TAB2: variants seen among roughly 807,000 people sequenced by gnomAD.
The protein encoded by TAB2 is TGF-beta activated kinase 1 (MAP3K7) binding protein 2.
In TAB2, 3 loss-of-function variants were observed where a neutral mutation model predicts 65.0. The ratio of observed to expected loss-of-function variants is 0.05; its 90% CI spans 0.02 to 0.12. TAB2 has a LOEUF of 0.12. TAB2 is among the 10% of genes least tolerant of loss of function. The probability of loss-of-function intolerance (pLI) is 1.00; values close to 1 mark genes in which losing one functional copy is unlikely to be tolerated. For missense variants in TAB2, 623 were observed against 840.3 expected, an observed-to-expected ratio of 0.74 and a Z score of 3.20; for synonymous variants, 298 against 285.1, an observed-to-expected ratio of 1.05 and a Z score of -0.46.
rs187298700 is a variant in TAB2, at chr6:149,396,238, G to A, written c.1604-1366G>A. On this transcript the variant is annotated intron_variant, in intron 3 of 6. Transcript: ENST00000637181. ...TCACCATGTTGGCCAGTCTGGTCTCGAACTCCTGACCTCAGATGATCCACC... is the reference window on the plus strand; with the variant it reads ...TCACCATGTTGGCCAGTCTGGTCTCAAACTCCTGACCTCAGATGATCCACC... Among the ~76,000 whole-genome samples the A allele has an allele frequency of 1.1e-3, 174 of 152,230 alleles. 2 individuals are homozygous for A. In the East Asian group the frequency reaches 0.032, roughly 28 times the overall value.
At chr6:149,226,552 C>A (rs1777281988) in intron 1 of TAB2, among the ~76,000 whole-genome samples, 1 of 152,160 alleles carries the variant, frequency 6.6e-6, no homozygotes, top group African/African-American at 2.4e-5. Flanking sequence ...TTCTTCCTTT[C>A]CCTGGTAAAA....
chr6:149,324,212 G>C (rs1779534855), intron 1 of TAB2, among the ~76,000 whole-genome samples: 1 of 152,142 alleles, frequency 6.6e-6, no homozygotes, highest in South Asian at 2.1e-4. Flanking sequence ...CAGAGAGAGA[G>C]AGAGAGAAGC....
chr6:149,407,800 T>C (rs974152960), intron 6 of TAB2, among the ~76,000 whole-genome samples: 1 of 151,960 alleles, frequency 6.6e-6, no homozygotes, highest in Non-Finnish European at 1.5e-5. Context: ...ATCATAATTC[T>C]AAGTTTACCA....
Position 149,369,892 on chromosome 6 carries a change from T to C in TAB2, c.-89-17T>C, listed in dbSNP as rs1781162548. The C allele has an allele frequency of 1.0e-6, 1 of 955,708 alleles. No individual in the cohort carries two copies. The highest frequency in any genetic ancestry group is 1.6e-5 in the African/African-American group (1 of 61,762). The allele number at this position is 955,708 out of a possible 1,614,324, so 59.2% of individuals were successfully genotyped here. ...TATAATCAGTTCTCATTAAAATTTT[T>C]TTTCTTTCTTTCACAGAAAATGCTT... On this transcript the variant is annotated splice_polypyrimidine_tract_variant and intron_variant, in intron 1 of 6. Transcript: ENST00000637181.
chr6:149,309,100 T>A (rs1292023373), intron 1 of TAB2, among the ~76,000 whole-genome samples: 1 of 152,210 alleles, frequency 6.6e-6, no homozygotes, highest in Non-Finnish European at 1.5e-5. Context: ...TGTTTCATCT[T>A]ATTTTTTTAT....
At chr6:149,251,958 CTTGTT>C (rs1777871306) in intron 1 of TAB2, among the ~76,000 whole-genome samples, 1 of 151,078 alleles carries the variant, frequency 6.6e-6, no homozygotes, top group Non-Finnish European at 1.5e-5. Context: ...ATTTTCTTTT[CTTGTT>C]TTGTTTTCTT....
intron 2 of TAB2, among the ~76,000 whole-genome samples, chr6:149,373,141 T>C (rs1021375594): frequency 2.0e-5 from 3 of 152,230 alleles, no homozygotes; most frequent in Admixed American, 1.3e-4. Flanking sequence ...AGATAACTTA[T>C]AACCAGCAGG....
chr6:149,358,158 G>A (rs965392207), intron 1 of TAB2, among the ~76,000 whole-genome samples: 2 of 152,098 alleles, frequency 1.3e-5, no homozygotes, highest in Non-Finnish European at 2.9e-5. Flanking sequence ...AGAAATGCTT[G>A]GGACCAAAAA....
intron 6 of TAB2, among the ~76,000 whole-genome samples, chr6:149,405,537 TAC>T (rs1228515382): frequency 2.6e-5 from 4 of 152,088 alleles, no homozygotes; most frequent in African/African-American, 7.2e-5. Flanking sequence ...ACGTGAGAGA[TAC>T]ACACACACAG....
intron 6 of TAB2, 63 bp downstream of exon 6, chr6:149,399,247 T>G: frequency 7.5e-7 from 1 of 1,338,378 alleles, no homozygotes; most frequent in South Asian, 1.2e-5. Context: ...AGAAAATTTT[T>G]CCTGTTCAGC....
In TAB2 at chr6:149,378,345, A is replaced by C. The variant is rs1333069566; in HGVS notation, c.430A>C (p.Ser144Arg). 3 of 1,614,126 alleles carry C rather than the reference A, an allele frequency of 1.9e-6. No homozygotes were observed. The African/African-American group carries it at 4.0e-5, about 22-fold the overall frequency. The change falls in exon 3 of 7, where the codon AGT (serine) becomes CGT (arginine). Residue 144 changes from serine to arginine, a missense_variant. By Grantham distance (110) the Ser-to-Arg change is moderately radical (BLOSUM62 -1). Coordinates refer to ENST00000637181, the MANE Select transcript of TAB2 (RefSeq NM_001292034.3). Reference sequence around the variant, plus strand: ...AGGCTTTAATGTTTTTGGAATGTCCAGTTCCTCTGGTGCTTCAAATTCAGC... The same window carrying C: ...AGGCTTTAATGTTTTTGGAATGTCCCGTTCCTCTGGTGCTTCAAATTCAGC... ...PQGFNVFGMSSSSGASNSAPH... is the reference protein window; with the variant it reads ...PQGFNVFGMSRSSGASNSAPH...
rs751334468 is a variant in TAB2, at chr6:149,400,655, A to G, written c.1939+1471A>G. 7 of 1,614,094 alleles carry G rather than the reference A, an allele frequency of 4.3e-6. No homozygotes were observed. In the African/African-American group the frequency reaches 6.7e-5, roughly 15 times the overall value. ...ATGAAGATACAATTGATGTGTTTCA[A>G]CAGCCTACGGGAGGTGTCTACTGAA... is the stretch of plus-strand genomic sequence containing the variant. On this transcript the variant is annotated intron_variant, in intron 6 of 6. Transcript: ENST00000637181.
intron 1 of TAB2, among the ~76,000 whole-genome samples, chr6:149,367,375 A>C (rs929320040): frequency 2.0e-5 from 3 of 152,088 alleles, no homozygotes; most frequent in Admixed American, 2.0e-4. Flanking sequence ...TTCCAGTAGT[A>C]AAGGAGCAGC....
At chr6:149,275,300 GAGAAA>G (rs1438526065) in intron 1 of TAB2, among the ~76,000 whole-genome samples, 8 of 128,282 alleles carry the variant, frequency 6.2e-5, no homozygotes, top group East Asian at 2.4e-4. Context: ...AAGAAAGAAA[GAGAAA>G]AAAGAAAAGA....
At chr6:149,254,965 C>T (rs956530218) in intron 1 of TAB2, among the ~76,000 whole-genome samples, 3 of 152,120 alleles carry the variant, frequency 2.0e-5, no homozygotes, top group African/African-American at 7.2e-5. Context: ...AAAGTTGTTG[C>T]TGGAATAAGT....
At chr6:149,405,642 C>T (rs774553245) in intron 6 of TAB2, among the ~76,000 whole-genome samples, 7 of 151,976 alleles carry the variant, frequency 4.6e-5, no homozygotes, top group South Asian at 2.1e-4. Context: ...TGACATAAGC[C>T]GGAGAAAGAC....
At chr6:149,291,387 A>T (rs1778773889) in intron 1 of TAB2, 1 of 152,188 alleles carries the variant, frequency 6.6e-6, no homozygotes, top group South Asian at 2.1e-4. Flanking sequence ...AGTCCCAGCT[A>T]CTCCAGAGGC....
chr6:149,341,236 T>C (rs553568140), intron 1 of TAB2, among the ~76,000 whole-genome samples: 11 of 152,306 alleles, frequency 7.2e-5, no homozygotes, highest in Admixed American at 5.9e-4. Flanking sequence ...TAAATTGTTA[T>C]ATTTTTATTT....
intron 1 of TAB2, among the ~76,000 whole-genome samples, chr6:149,257,201 G>A (rs746899703): frequency 1.3e-5 from 2 of 152,140 alleles, no homozygotes; most frequent in Non-Finnish European, 2.9e-5. Context: ...CAGTAAGCAC[G>A]TCCACGGAAA....
Sources: gnomAD v4.1 joint callset for allele counts (sites outside exome capture counted in the v4.1 genomes callset) on GRCh38, gnomAD v4.1.1 for gene constraint, MANE v1.5 for transcripts, NCBI Gene and HGNC (gene_info 2026-07-23, HGNC 2026-07-21) for gene names.